Variants in NCBP1 observed in about 807,000 individuals in gnomAD.
NCBP1 encodes the protein nuclear cap-binding protein subunit 1.
A neutral mutation model predicts 111.7 loss-of-function variants in NCBP1; 16 were observed. The observed-to-expected ratio is 0.14, with a 90% CI of 0.10 to 0.22. NCBP1 has a LOEUF of 0.22. NCBP1 is among the 10% of genes least tolerant of loss of function. The pLI, the probability that NCBP1 is intolerant of heterozygous loss-of-function variation, is 1.00. For synonymous variants in NCBP1, 304 were observed against 314.3 expected (o/e 0.97, Z 0.35); for missense variants, 607 against 957.5 (o/e 0.63, Z 4.83).
At chr9:97,662,005 C>G (rs761166117) in intron 16 of NCBP1, 37 bp from the exon 17 acceptor site, 2 of 1,476,924 alleles carry the variant, frequency 1.4e-6, no homozygotes, top group Admixed American at 1.7e-5. Flanking sequence ...AATTGCTGTG[C>G]TTACATTTTT....
chr9:97,650,559 TC>T lies in NCBP1; in HGVS notation c.955del (p.His319ThrfsTer18). 1.2e-6 allele frequency: 2 copies of T among 1,613,462 alleles called. No individual in the cohort carries two copies. The highest frequency in any genetic ancestry group is 1.7e-6 in the Non-Finnish European group (2 of 1,179,584). ...AAAGATTTGTAATAGAAGAGAATCT[TC>T]ACTGCATCATTAAGTCCCACTGGAA... The part of the protein sequence containing the change: ...VERFVIEENL[H>X]CIIKSHWKER... On this transcript the variant is annotated frameshift_variant, in exon 9 of 23. Coordinates refer to ENST00000375147, the MANE Select transcript of NCBP1 (RefSeq NM_002486.5). LOFTEE classifies it high-confidence loss of function.
chr9:97,673,128 A>AAAAAAGAAAAAAAATATAT lies in NCBP1; in HGVS notation c.*1931_*1949dup, dbSNP rs1828244204. 1 of 152,112 alleles carries AAAAAAGAAAAAAAATATAT rather than the reference A, an allele frequency of 6.6e-6. No individual in the cohort carries two copies. The highest frequency in any genetic ancestry group is 1.5e-5 in the Non-Finnish European group (1 of 68,058). The allele number at this position is 152,112 out of a possible 1,614,324, so 9.4% of individuals were successfully genotyped here. On this transcript the variant is annotated 3_prime_UTR_variant, in exon 23 of 23. Transcript: ENST00000375147. The stretch of plus-strand genomic sequence containing the variant: ...GGGTGATGGAGCGAGGCTCTGTCTC[A>AAAAAAGAAAAAAAATATAT]AAAAAGAAAAAAAATATATAGCATA...
intron 9 of NCBP1, 24 bp downstream of exon 9, chr9:97,650,624 T>C (rs760908849): frequency 1.3e-6 from 2 of 1,592,570 alleles, no homozygotes; most frequent in Admixed American, 3.4e-5. Context: ...CATGGTACTT[T>C]TAGAAGGGAG....
chr9:97,657,495 G>A (rs1827693858), intron 14 of NCBP1, among the ~76,000 whole-genome samples: 1 of 152,134 alleles, frequency 6.6e-6, no homozygotes, highest in Non-Finnish European at 1.5e-5. Context: ...CACCACTGGT[G>A]ATGTTAATCC....
chr9:97,671,083 C>T lies in NCBP1; in HGVS notation c.2260-3C>T. 1 of 1,594,186 alleles carries T rather than the reference C, an allele frequency of 6.3e-7. No homozygotes were observed. The highest frequency in any genetic ancestry group is 8.6e-7 in the Non-Finnish European group (1 of 1,162,338). ...CTAACTACCCCCTTTTGTGTGTCCA[C>T]AGCATCACCAAATAATCCAGCAGTA... is the stretch of plus-strand genomic sequence containing the variant. On this transcript the variant is annotated splice_region_variant and splice_polypyrimidine_tract_variant and intron_variant, in intron 22 of 22. Transcript: ENST00000375147.
intron 11 of NCBP1, 46 bp from the exon 12 acceptor site, chr9:97,654,833 AT>A (rs1344912336): frequency 6.6e-7 from 1 of 1,520,538 alleles, no homozygotes. Context: ...ATTACAACTT[AT>A]TTGGGATAAA....
chr9:97,653,119 C>CTTTTTTT (rs57742118), intron 10 of NCBP1, among the ~76,000 whole-genome samples: 9 of 123,568 alleles, frequency 7.3e-5, no homozygotes, highest in East Asian at 7.1e-4. Context: ...TAAAAGAATT[C>CTTTTTTT]TTTTTTTTTT....
chr9:97,662,991 G>A lies in NCBP1; in HGVS notation c.1741G>A (p.Glu581Lys). 6.2e-7 allele frequency: 1 copy of A among 1,613,246 alleles called. No individual in the cohort carries two copies. The highest frequency in any genetic ancestry group is 8.5e-7 in the Non-Finnish European group (1 of 1,179,708). The change falls in exon 18 of 23, where the codon GAA becomes AAA. Residue 581 changes from glutamate to lysine, a missense_variant. Around this residue, in one of 9 missense-constraint regions of NCBP1, gnomAD observed 282 missense variants for 376.5 expected, o/e 0.75. Transcript: ENST00000375147. ...EVFKTLAESDEGKLHVLRVMF... is the reference protein window; with the variant it reads ...EVFKTLAESDKGKLHVLRVMF... Reference sequence around the variant, plus strand: ...CTTCAAAACCCTAGCTGAAAGTGATGAAGGAAAGTTACATGTGCTAAGAGT... The same window carrying A: ...CTTCAAAACCCTAGCTGAAAGTGATAAAGGAAAGTTACATGTGCTAAGAGT...
intron 6 of NCBP1, among the ~76,000 whole-genome samples, chr9:97,646,088 T>C (rs1047093332): frequency 3.3e-5 from 5 of 152,204 alleles, no homozygotes; most frequent in African/African-American, 9.6e-5. Flanking sequence ...TGATAAATTA[T>C]ACAATTTGAG....
chr9:97,641,488 A>T, intron 2 of NCBP1, 74 bp from the exon 3 acceptor site: 1 of 1,148,226 alleles, frequency 8.7e-7, no homozygotes, highest in Non-Finnish European at 1.2e-6. Context: ...ATATATTTAC[A>T]TTTAAATAGA....
intron 1 of NCBP1, 50 bp downstream of exon 1, chr9:97,633,965 G>A: frequency 6.5e-7 from 1 of 1,542,786 alleles, no homozygotes; most frequent in East Asian, 2.4e-5. Context: ...TGGGAGCCGA[G>A]GCTCGGCGTC....
At position 97,672,530 on chromosome 9, in the gene NCBP1, G is replaced by T. The variant is rs1004031658; in HGVS notation, c.*1331G>T. 6.6e-6 allele frequency: 1 copy of T among 152,108 alleles called. No homozygotes were observed. The highest frequency in any genetic ancestry group is 1.5e-5 in the Non-Finnish European group (1 of 68,036). The allele number at this position is 152,108 out of a possible 1,614,324, so 9.4% of individuals were successfully genotyped here. A position where few individuals can be genotyped will look rare whatever the true frequency, so the allele number is the denominator to read the frequency against. On this transcript the variant is annotated 3_prime_UTR_variant, in exon 23 of 23. Coordinates refer to ENST00000375147, the MANE Select transcript of NCBP1 (RefSeq NM_002486.5). ...TGGTTAGTAAAGGACTAAAACCCAG[G>T]TTCTTGGCTAAATGTTTTCGTTTAT... is the stretch of plus-strand genomic sequence containing the variant.
intron 20 of NCBP1, among the ~76,000 whole-genome samples, chr9:97,667,655 G>T (rs1484883255): frequency 6.6e-6 from 1 of 152,206 alleles, no homozygotes; most frequent in Non-Finnish European, 1.5e-5. Context: ...ACACAGGTCT[G>T]TCAGACTCCA....
intron 1 of NCBP1, among the ~76,000 whole-genome samples, chr9:97,640,189 A>C (rs1363114636): frequency 6.6e-6 from 1 of 152,146 alleles, no homozygotes; most frequent in East Asian, 1.9e-4. Context: ...TTGAGATTAG[A>C]GCTTAGAAAC....
chr9:97,658,623 T>C lies in NCBP1; in HGVS notation c.1374-17T>C, dbSNP rs1229935544. 2.6e-6 allele frequency: 4 copies of C among 1,555,878 alleles called. No individual in the cohort carries two copies. Among genetic ancestry groups the C allele is most frequent in the Non-Finnish European group, 3.5e-6 (4 of 1,127,842 alleles). The stretch of plus-strand genomic sequence containing the variant: ...ACTGATAAAAGATATTTTCTGAGGC[T>C]GTTATTTGTATTGTAGGTTGTCTTA... On this transcript the variant is annotated splice_polypyrimidine_tract_variant and intron_variant, in intron 14 of 22. Coordinates refer to ENST00000375147, the MANE Select transcript of NCBP1 (RefSeq NM_002486.5).
intron 18 of NCBP1, 127 bp from the exon 19 acceptor site, chr9:97,664,213 A>G (rs1827925699): frequency 3.6e-6 from 2 of 551,884 alleles, no homozygotes; most frequent in Non-Finnish European, 6.5e-6. Flanking sequence ...TGATCAATCA[A>G]TTCCATAGCC....
rs143745791 is a variant in NCBP1, at chr9:97,643,352, G to A, written c.373G>A (p.Val125Met). The change falls in exon 4 of 23, where the codon GTG becomes ATG. Residue 125 changes from valine to methionine, a missense_variant. By Grantham distance (21) the Val-to-Met change is conservative (BLOSUM62 1). Transcript: ENST00000375147. Reference sequence around the variant, plus strand: ...GAAAGCAAACAATTATAATGAAGCCGTGTATTTGGTAAGTTAGTTTGTTTG... The same window carrying A: ...GAAAGCAAACAATTATAATGAAGCCATGTATTTGGTAAGTTAGTTTGTTTG... ...SLKANNYNEA[V>M]YLVRFLSDLV... The A allele has an allele frequency of 2.0e-3, 3,262 of 1,592,866 alleles. 8 individuals are homozygous for A. The highest frequency in any genetic ancestry group is 3.0e-3 in the Middle Eastern group (18 of 5,970).
Position 97,663,004 on chromosome 9 carries a change from A to G in NCBP1, c.1754A>G (p.His585Arg). Residue 585 changes from histidine to arginine, a missense_variant, in exon 18 of 23, where the codon CAT becomes CGT. Transcript: ENST00000375147. ...TLAESDEGKLHVLRVMFEVWR... is the reference protein window; with the variant it reads ...TLAESDEGKLRVLRVMFEVWR... ...GCTGAAAGTGATGAAGGAAAGTTAC[A>G]TGTGCTAAGAGTTATGTTTGAGGTC... 1 of 1,613,194 alleles carries G rather than the reference A, an allele frequency of 6.2e-7. No individual in the cohort carries two copies.
At chr9:97,655,059 T>A in intron 12 of NCBP1, 115 bp downstream of exon 12, 1 of 835,998 alleles carries the variant, frequency 1.2e-6, no homozygotes, top group Non-Finnish European at 1.8e-6. Flanking sequence ...TTTTCTTGCC[T>A]CCCAAAATAA....
Sources: allele counts gnomAD v4.1 joint callset (sites outside exome capture counted in the v4.1 genomes callset), GRCh38; gene constraint gnomAD v4.1.1; regional missense constraint gnomAD v4.1.1; transcripts MANE v1.5; gene names NCBI Gene and HGNC (gene_info 2026-07-23, HGNC 2026-07-21).